Variants in GLIS3 observed in about 807,000 individuals in gnomAD.
GLIS3 encodes GLIS family zinc finger 3, also known as zinc finger protein GLIS3.
In GLIS3, 53 loss-of-function variants were observed where a neutral mutation model predicts 78.6. The observed-to-expected ratio is 0.67, with a 90% confidence interval of 0.54 to 0.85. The LOEUF is 0.85. Among genes scored for constraint, GLIS3 ranks in the 40% least tolerant of loss-of-function variants. GLIS3 has a pLI of 0.00. For missense variants in GLIS3, 1,703 were observed against 1,231.1 expected (o/e 1.38, Z -5.74); for synonymous variants, 684 against 509.9 (o/e 1.34, Z -4.60).
chr9:4,322,971 C>T (rs1263015293), intron 2 of GLIS3, among the ~76,000 whole-genome samples: 1 of 152,168 alleles, frequency 6.6e-6, no homozygotes, highest in East Asian at 1.9e-4. Flanking sequence ...GTGTTTTAGT[C>T]ATGAAGTCCT....
the GLIS3 span, among the ~76,000 whole-genome samples, chr9:4,453,837 G>A: frequency 1.3e-5 from 2 of 151,974 alleles, no homozygotes; most frequent in Non-Finnish European, 2.9e-5. Flanking sequence ...ATCACACACG[G>A]GGGCTTGTCA....
chr9:4,043,500 C>T (rs903376035), intron 4 of GLIS3, among the ~76,000 whole-genome samples: 1 of 151,900 alleles, frequency 6.6e-6, no homozygotes, highest in Non-Finnish European at 1.5e-5. Flanking sequence ...ATCAGTCAGT[C>T]TGTAGGAAGG....
At chr9:4,089,560 T>A (rs1696655692) in intron 4 of GLIS3, among the ~76,000 whole-genome samples, 1 of 152,204 alleles carries the variant, frequency 6.6e-6, no homozygotes, top group African/African-American at 2.4e-5. Flanking sequence ...GTGTAGTGGC[T>A]CACACCTGTA....
At chr9:4,472,307 C>A in the GLIS3 span, among the ~76,000 whole-genome samples, 1 of 152,150 alleles carries the variant, frequency 6.6e-6, no homozygotes, top group Non-Finnish European at 1.5e-5. Flanking sequence ...CACATGCACA[C>A]ATATGTTTAT....
chr9:4,174,436 T>C (rs1276774025), intron 2 of GLIS3, among the ~76,000 whole-genome samples: 3 of 152,322 alleles, frequency 2.0e-5, no homozygotes, highest in African/African-American at 7.2e-5. Flanking sequence ...ATAAATTCTT[T>C]CAACTTAGAA....
chr9:3,829,283 T>C, intron 10 of GLIS3, 27 bp downstream of exon 10: 1 of 1,610,490 alleles, frequency 6.2e-7, no homozygotes, highest in Non-Finnish European at 8.5e-7. Flanking sequence ...TTGACAGGAT[T>C]TTCTAAGTCA....
At chr9:4,412,691 C>G in the GLIS3 span, among the ~76,000 whole-genome samples, 1 of 152,200 alleles carries the variant, frequency 6.6e-6, no homozygotes, top group Non-Finnish European at 1.5e-5. Flanking sequence ...ACCCTTACCC[C>G]TTTCTTCCTG....
chr9:4,201,523 G>C (rs1326665345), intron 2 of GLIS3, among the ~76,000 whole-genome samples: 1 of 152,166 alleles, frequency 6.6e-6, no homozygotes, highest in Non-Finnish European at 1.5e-5. Context: ...AGTCCGTAGT[G>C]TTTTTATACA....
intron 4 of GLIS3, among the ~76,000 whole-genome samples, chr9:4,062,611 G>A (rs1428284762): frequency 6.6e-6 from 1 of 152,210 alleles, no homozygotes; most frequent in Non-Finnish European, 1.5e-5. Flanking sequence ...CATAATTGCT[G>A]TGAAGATGAA....
At chr9:4,176,690 C>T (rs1201887847) in intron 2 of GLIS3, among the ~76,000 whole-genome samples, 1 of 152,186 alleles carries the variant, frequency 6.6e-6, no homozygotes, top group South Asian at 2.1e-4. Flanking sequence ...ATGGTGCCAT[C>T]TCAGCTCACT....
chr9:4,140,972 G>C (rs1365545476), intron 2 of GLIS3, among the ~76,000 whole-genome samples: 2 of 152,080 alleles, frequency 1.3e-5, no homozygotes, highest in Non-Finnish European at 2.9e-5. Flanking sequence ...CTAATTTTTT[G>C]TATTTTTAGT....
At chr9:4,484,241 T>TTA in the GLIS3 span, among the ~76,000 whole-genome samples, 70 of 144,196 alleles carry the variant, frequency 4.9e-4, no homozygotes, top group Non-Finnish European at 8.4e-4. Flanking sequence ...TTTTTTTTAT[T>TTA]TTTTTTATTT....
chr9:3,940,298 C>A (rs1313696320), intron 4 of GLIS3, among the ~76,000 whole-genome samples: 1 of 152,052 alleles, frequency 6.6e-6, no homozygotes, highest in Non-Finnish European at 1.5e-5. Context: ...TTTTCCAATT[C>A]TTTAATGAGC....
intron 2 of GLIS3, among the ~76,000 whole-genome samples, chr9:4,282,557 C>A (rs1207191190): frequency 6.6e-6 from 1 of 152,098 alleles, no homozygotes; most frequent in Non-Finnish European, 1.5e-5. Context: ...CTTCCTGGAT[C>A]TTGAGCCTGG....
chr9:4,320,494 T>C (rs768676622), intron 2 of GLIS3, among the ~76,000 whole-genome samples: 2 of 152,208 alleles, frequency 1.3e-5, no homozygotes, highest in Non-Finnish European at 2.9e-5. Flanking sequence ...TCTCTGTCAA[T>C]ACATCTATCA....
intron 6 of GLIS3, among the ~76,000 whole-genome samples, chr9:3,914,757 T>G (rs953091407): frequency 3.9e-5 from 6 of 152,138 alleles, no homozygotes; most frequent in Non-Finnish European, 5.9e-5. Context: ...GCCCCCTGTT[T>G]GACAGACTAC....
chr9:4,353,993 A>ATTTTTT, the GLIS3 span, among the ~76,000 whole-genome samples: 9 of 135,746 alleles, frequency 6.6e-5, no homozygotes, highest in South Asian at 2.4e-4. Context: ...ACACCCGGCT[A>ATTTTTT]TTTTTTTTTT....
the GLIS3 span, among the ~76,000 whole-genome samples, chr9:4,391,597 G>C: frequency 6.6e-6 from 1 of 151,216 alleles, no homozygotes; most frequent in African/African-American, 2.5e-5. Context: ...GGTAGGTTGA[G>C]ATGGTCAGTT....
chr9:3,964,149 T>C (rs1817760094), intron 4 of GLIS3, among the ~76,000 whole-genome samples: 1 of 151,964 alleles, frequency 6.6e-6, no homozygotes, highest in Admixed American at 6.6e-5. Context: ...GAGGATGTAT[T>C]ATGTTTACCA....
Sources: gnomAD v4.1 joint callset for allele counts (sites outside exome capture counted in the v4.1 genomes callset) on GRCh38, gnomAD v4.1.1 for gene constraint, MANE v1.5 for transcripts, NCBI Gene and HGNC (gene_info 2026-07-23, HGNC 2026-07-21) for gene names.